Variants in AMD1 observed in about 807,000 individuals in gnomAD.
AMD1 encodes the protein S-adenosylmethionine decarboxylase proenzyme.
In AMD1, 11 loss-of-function variants were observed where a neutral mutation model predicts 40.2. The ratio of observed to expected loss-of-function variants is 0.27; its 90% CI spans 0.17 to 0.45. The LOEUF (loss-of-function observed/expected upper bound fraction) is 0.45, where lower values mean the gene tolerates loss of function less well. Among genes scored for constraint, AMD1 ranks in the 20% least tolerant of loss-of-function variants. The probability of loss-of-function intolerance (pLI) is 1.00; values close to 1 mark genes in which losing one functional copy is unlikely to be tolerated. For missense variants in AMD1, 257 were observed against 410.2 expected (o/e 0.63, Z 3.23); for synonymous variants, 121 against 130.8 (o/e 0.93, Z 0.51).
At chr6:110,847,550 T>G in the AMD1 span, among the ~76,000 whole-genome samples, 1 of 151,892 alleles carries the variant, frequency 6.6e-6, no homozygotes, top group Non-Finnish European at 1.5e-5. Context: ...TTCTTCTTTC[T>G]TAGGGAAACT....
chr6:110,818,536 T>A, the AMD1 span, among the ~76,000 whole-genome samples: 446 of 149,484 alleles, frequency 3.0e-3, 3 homozygotes, highest in African/African-American at 8.9e-3. Context: ...ATATATATAT[T>A]TATTTATTTA....
chr6:110,874,775 C>A (rs796115327), upstream of AMD1: 16 of 196,372 alleles, frequency 8.1e-5, no homozygotes, highest in Admixed American at 1.2e-4. Flanking sequence ...GGTGCTCACG[C>A]AGCGCTCTCG....
chr6:110,839,588 T>C, the AMD1 span, among the ~76,000 whole-genome samples: 1 of 152,144 alleles, frequency 6.6e-6, no homozygotes, highest in South Asian at 2.1e-4. Context: ...GCCACTGCAC[T>C]CCAGCCTGGG....
Position 110,886,720 on chromosome 6 carries a change from C to G in AMD1, c.111-785C>G, listed in dbSNP as rs556952072. 2.0e-5 allele frequency among the ~76,000 whole-genome samples: 3 copies of G among 152,352 alleles called. No individual in the cohort carries two copies. In the South Asian group the frequency reaches 6.2e-4, roughly 32 times the overall value. ...CCTGGGAGGTCAAGGCCGAAGTGAG[C>G]TGTGATTGCACCACTGCACTTCAAC... On this transcript the variant is annotated intron_variant, in intron 1 of 8. Transcript: ENST00000368885.
chr6:110,863,989 C>T, the AMD1 span: 19 of 432,954 alleles, frequency 4.4e-5, no homozygotes, highest in African/African-American at 8.4e-5. Context: ...GACGGAGTTT[C>T]GCTCTTGTTG....
the AMD1 span, among the ~76,000 whole-genome samples, chr6:110,823,508 A>C: frequency 2.0e-5 from 3 of 152,240 alleles, no homozygotes; most frequent in Non-Finnish European, 4.4e-5. Flanking sequence ...AAATGAATTC[A>C]GTGAAGTCTC....
chr6:110,836,391 A>G, the AMD1 span, among the ~76,000 whole-genome samples: 5 of 152,190 alleles, frequency 3.3e-5, no homozygotes, highest in East Asian at 9.6e-4. Context: ...AATGTTGTAG[A>G]TCTAGTTTGT....
intron 2 of AMD1, 23 bp downstream of exon 2, chr6:110,887,614 T>G: frequency 6.6e-7 from 1 of 1,519,912 alleles, no homozygotes; most frequent in South Asian, 1.2e-5. Context: ...AAACAAGTGT[T>G]AGGTAGCTAA....
the AMD1 span, among the ~76,000 whole-genome samples, chr6:110,854,757 T>C: frequency 6.6e-6 from 1 of 152,110 alleles, no homozygotes; most frequent in East Asian, 1.9e-4. Flanking sequence ...CAAATGTTTG[T>C]AATTCTTACA....
At chr6:110,881,883 A>G (rs944896763) in intron 1 of AMD1, among the ~76,000 whole-genome samples, 4 of 152,226 alleles carry the variant, frequency 2.6e-5, no homozygotes, top group African/African-American at 9.6e-5. Flanking sequence ...TGACTAGATC[A>G]GTATTACGTG....
At chr6:110,888,701 T>G (rs957249498) in intron 2 of AMD1, 156 bp from the exon 3 acceptor site, 7 of 634,434 alleles carry the variant, frequency 1.1e-5, no homozygotes, top group Non-Finnish European at 1.8e-5. Context: ...ATGTTTTGTA[T>G]ACTAGAAAAG....
At chr6:110,848,495 G>C in the AMD1 span, 1 of 213,784 alleles carries the variant, frequency 4.7e-6, no homozygotes, top group South Asian at 5.4e-5. Flanking sequence ...CTCCAGCTTG[G>C]GTGACAGAGT....
Position 110,890,345 on chromosome 6 carries a change from C to G in AMD1, c.416C>G (p.Ala139Gly). The part of the protein sequence containing the change: ...NFQEEIEFLN[A>G]IFPNGAAYCM... Reference sequence around the variant, plus strand: ...CAGGAAGAAATAGAGTTTCTTAATGCAATTTTCCCAAGTAAGTTTAAATAA... The same window carrying G: ...CAGGAAGAAATAGAGTTTCTTAATGGAATTTTCCCAAGTAAGTTTAAATAA... Residue 139 changes from alanine to glycine, a missense_variant, in exon 4 of 9, where the codon GCA (alanine) becomes GGA (glycine). Ala to Gly is a moderately conservative substitution (Grantham distance 60, BLOSUM62 0). Coordinates refer to ENST00000368885, the MANE Select transcript of AMD1 (RefSeq NM_001634.6). The G allele has an allele frequency of 6.3e-7, 1 of 1,590,528 alleles. No homozygotes were observed. Among genetic ancestry groups the G allele is most frequent in the Non-Finnish European group, 8.5e-7 (1 of 1,171,946 alleles).
the AMD1 span, among the ~76,000 whole-genome samples, chr6:110,846,038 G>A: frequency 2.6e-5 from 4 of 152,138 alleles, no homozygotes; most frequent in Non-Finnish European, 5.9e-5. Context: ...TCAGATGTTC[G>A]AGACCAGCCT....
chr6:110,861,358 A>C, the AMD1 span, among the ~76,000 whole-genome samples: 1 of 128,908 alleles, frequency 7.8e-6, no homozygotes, highest in African/African-American at 2.7e-5. Flanking sequence ...ACTCCGTCTC[A>C]AAAAAAAAAA....
upstream of AMD1, among the ~76,000 whole-genome samples, chr6:110,874,407 C>A (rs566459008): frequency 2.6e-5 from 4 of 152,176 alleles, no homozygotes; most frequent in South Asian, 2.1e-4. Flanking sequence ...CCACCGTCCC[C>A]GCTGAACCCC....
At chr6:110,857,186 A>C in the AMD1 span, among the ~76,000 whole-genome samples, 1 of 151,630 alleles carries the variant, frequency 6.6e-6, no homozygotes, top group Non-Finnish European at 1.5e-5. Context: ...TAAATAACCA[A>C]CTAAAACCTA....
chr6:110,875,223 C>A lies in AMD1; in HGVS notation c.110+8C>A, dbSNP rs367903991. The stretch of plus-strand genomic sequence containing the variant: ...TCTTCGCACTATCCCAAGGTGGGTC[C>A]CCGGGGCGCTCGCTGACATCCGGGC... On this transcript the variant is annotated splice_region_variant and intron_variant, in intron 1 of 8. Coordinates refer to ENST00000368885, the MANE Select transcript of AMD1 (RefSeq NM_001634.6). 3.3e-5 allele frequency: 52 copies of A among 1,596,778 alleles called. No homozygotes were observed. In the African/African-American group the frequency reaches 5.0e-4, roughly 15 times the overall value.
chr6:110,858,212 C>T, the AMD1 span: 1 of 756,566 alleles, frequency 1.3e-6, no homozygotes, highest in Non-Finnish European at 2.3e-6. Flanking sequence ...TTCGTCCCAT[C>T]CCATCCTGCC....
Sources: allele counts gnomAD v4.1 joint callset (sites outside exome capture counted in the v4.1 genomes callset), GRCh38; gene constraint gnomAD v4.1.1; transcripts MANE v1.5; gene names NCBI Gene and HGNC (gene_info 2026-07-23, HGNC 2026-07-21).